Variants in CACNB2 observed in about 807,000 individuals in gnomAD.
The protein encoded by CACNB2 is calcium voltage-gated channel auxiliary subunit beta 2.
Under a neutral mutation model 73.3 loss-of-function variants are expected in CACNB2, and 42 were observed. The ratio of observed to expected loss-of-function variants is 0.57; its 90% CI spans 0.45 to 0.74. The LOEUF (loss-of-function observed/expected upper bound fraction) is 0.74, where lower values mean the gene tolerates loss of function less well. Among genes scored for constraint, CACNB2 ranks in the 30% least tolerant of loss-of-function variants. The probability of loss-of-function intolerance (pLI) is 0.00; values close to 1 mark genes in which losing one functional copy is unlikely to be tolerated. For synonymous variants in CACNB2, 348 were observed against 310.3 expected, an observed-to-expected ratio of 1.12 and a Z score of -1.28; for missense variants, 940 against 853.0, an observed-to-expected ratio of 1.10 and a Z score of -1.27.
chr10:18,236,074 G>A (rs146359643), intron 2 of CACNB2, among the ~76,000 whole-genome samples: 1 of 152,140 alleles, frequency 6.6e-6, no homozygotes, highest in South Asian at 2.1e-4. Flanking sequence ...TTCCTGTACA[G>A]CCTGTGGAAC....
At chr10:18,272,230 A>T (rs2038084668) in intron 2 of CACNB2, among the ~76,000 whole-genome samples, 1 of 152,112 alleles carries the variant, frequency 6.6e-6, no homozygotes, top group Non-Finnish European at 1.5e-5. Context: ...GAGGAGTGGG[A>T]CATAGTTCTA....
chr10:18,177,160 T>C (rs1410066324), intron 2 of CACNB2, among the ~76,000 whole-genome samples: 2 of 152,098 alleles, frequency 1.3e-5, no homozygotes, highest in African/African-American at 4.8e-5. Flanking sequence ...CATCAAATCA[T>C]GTGCATATAC....
At position 18,340,958 on chromosome 10, in the gene CACNB2, C is replaced by T. The variant is rs587777742; in HGVS notation, c.214-60966C>T. 6.2e-7 allele frequency: 1 copy of T among 1,614,126 alleles called. No homozygotes were observed. The highest frequency in any genetic ancestry group is 8.5e-7 in the Non-Finnish European group (1 of 1,180,028). ...GACAGACGCCTTATAGCTCCTCAAA[C>T]TAAATACATTATTCCTGGGGTAAGC... On this transcript the variant is annotated intron_variant, in intron 2 of 13. Coordinates refer to ENST00000324631, the MANE Select transcript of CACNB2 (RefSeq NM_201596.3).
intron 3 of CACNB2, among the ~76,000 whole-genome samples, chr10:18,493,334 A>C (rs2049575222): frequency 6.6e-6 from 1 of 152,000 alleles, no homozygotes; most frequent in Admixed American, 6.6e-5. Flanking sequence ...CGCCTGGCTA[A>C]TTTTTGTATT....
chr10:18,527,178 C>G (rs575177046), intron 9 of CACNB2, among the ~76,000 whole-genome samples: 3 of 152,056 alleles, frequency 2.0e-5, no homozygotes, highest in South Asian at 4.2e-4. Flanking sequence ...GCCAGGAATT[C>G]AAGACCAGCT....
At chr10:18,250,157 C>CT (rs1466175086) in intron 2 of CACNB2, among the ~76,000 whole-genome samples, 1 of 152,184 alleles carries the variant, frequency 6.6e-6, no homozygotes, top group East Asian at 1.9e-4. Context: ...TTGCAATAGT[C>CT]TAAAAACTCA....
At position 18,341,121 on chromosome 10, in the gene CACNB2, A is replaced by G. The variant is rs1278617575; in HGVS notation, c.214-60803A>G. ...TTCTTATCTTGCCAGAAATGTTGCC[A>G]TTCACAGTGTTATTACTTTAATGCT... On this transcript the variant is annotated intron_variant, in intron 2 of 13. Coordinates refer to ENST00000324631, the MANE Select transcript of CACNB2 (RefSeq NM_201596.3). 3 of 853,526 alleles carry G rather than the reference A, an allele frequency of 3.5e-6. No homozygotes were observed. The African/African-American group carries it at 5.0e-5, about 14-fold the overall frequency. 52.9% of individuals were successfully genotyped at this position (853,526 alleles called of 1,614,324 possible).
chr10:18,456,148 T>G lies in CACNB2; in HGVS notation c.334-42207T>G, dbSNP rs151233296. 7.2e-4 allele frequency among the ~76,000 whole-genome samples: 109 copies of G among 152,336 alleles called. 13 individuals carry two copies. The highest frequency in any genetic ancestry group is 6.4e-3 in the South Asian group (31 of 4,826). On this transcript the variant is annotated intron_variant, in intron 3 of 13. Coordinates refer to ENST00000324631, the MANE Select transcript of CACNB2 (RefSeq NM_201596.3). ...TTGACAGATGAATGTACATGACCAC[T>G]TTCATAATGCCTCTCCCTTAAGAAA...
intron 2 of CACNB2, among the ~76,000 whole-genome samples, chr10:18,249,444 ACT>A (rs1055711313): frequency 9.2e-5 from 14 of 151,912 alleles, no homozygotes; most frequent in African/African-American, 3.1e-4. Flanking sequence ...TCATTTTTCT[ACT>A]CTCTGCTTAA....
rs140612237 is a variant in CACNB2 at position 18,407,627 on chromosome 10, C to G, written c.333+5584C>G. Among the ~76,000 whole-genome samples, 534 of 152,058 alleles carry G rather than the reference C, an allele frequency of 3.5e-3. 5 individuals are homozygous for G. Among genetic ancestry groups the G allele is most frequent in the African/African-American group, 0.012 (507 of 41,474 alleles). Reference sequence around the variant, plus strand: ...GCCCCTTTTTTTGGAATAATTTCTTCCCCTATATTGTCCTCTTTTTACTGG... The same window carrying G: ...GCCCCTTTTTTTGGAATAATTTCTTGCCCTATATTGTCCTCTTTTTACTGG... On this transcript the variant is annotated intron_variant, in intron 3 of 13. Transcript: ENST00000324631.
chr10:18,264,973 G>A (rs549775134), intron 2 of CACNB2, among the ~76,000 whole-genome samples: 4 of 151,960 alleles, frequency 2.6e-5, no homozygotes, highest in South Asian at 2.1e-4. Context: ...CTGAAACATC[G>A]GGTCAATGTT....
intron 3 of CACNB2, among the ~76,000 whole-genome samples, chr10:18,455,038 T>TCA (rs2047207913): frequency 1.3e-5 from 1 of 75,588 alleles, no homozygotes; most frequent in Non-Finnish European, 3.6e-5. Flanking sequence ...ACCCAATCTC[T>TCA]TAAAAAAAAA....
chr10:18,414,293 T>C (rs192663959), intron 3 of CACNB2, among the ~76,000 whole-genome samples: 1 of 152,348 alleles, frequency 6.6e-6, no homozygotes, highest in African/African-American at 2.4e-5. Context: ...AACTCTCTCT[T>C]GCTCCTCTCA....
At chr10:18,277,935 C>A (rs1460014978) in intron 2 of CACNB2, among the ~76,000 whole-genome samples, 1 of 152,182 alleles carries the variant, frequency 6.6e-6, no homozygotes, top group South Asian at 2.1e-4. Flanking sequence ...TTTCCTATAA[C>A]CAGCTATAAC....
intron 3 of CACNB2, among the ~76,000 whole-genome samples, chr10:18,442,737 A>G (rs2046475499): frequency 1.3e-5 from 2 of 150,838 alleles, no homozygotes; most frequent in South Asian, 4.2e-4. Context: ...AGGCAGGAGA[A>G]TTCCTGGAAC....
At chr10:18,310,381 G>A (rs542583509) in intron 2 of CACNB2, among the ~76,000 whole-genome samples, 7 of 151,724 alleles carry the variant, frequency 4.6e-5, no homozygotes, top group African/African-American at 1.2e-4. Flanking sequence ...TGAGGTGGGC[G>A]GGTCACCTGA....
intron 2 of CACNB2, among the ~76,000 whole-genome samples, chr10:18,303,420 G>A (rs557765013): frequency 3.3e-5 from 5 of 152,146 alleles, no homozygotes; most frequent in Non-Finnish European, 4.4e-5. Flanking sequence ...TAGAAGGCTC[G>A]CTTGAGCCCA....
intron 1 of CACNB2, 74 bp from the exon 2 acceptor site, chr10:18,150,809 C>T: frequency 3.2e-6 from 3 of 943,864 alleles, no homozygotes; most frequent in Non-Finnish European, 4.7e-6. Context: ...TTTTCTGCAA[C>T]TAGGCCTACA....
chr10:18,538,498 C>T (rs1197603738), intron 13 of CACNB2, 133 bp downstream of exon 13: 1 of 736,780 alleles, frequency 1.4e-6, no homozygotes, highest in Non-Finnish European at 2.3e-6. Context: ...AAAGCAAGTC[C>T]AGCATGAGCT....
Sources: gnomAD v4.1 joint callset for allele counts (sites outside exome capture counted in the v4.1 genomes callset) on GRCh38, gnomAD v4.1.1 for gene constraint, MANE v1.5 for transcripts, NCBI Gene and HGNC (gene_info 2026-07-23, HGNC 2026-07-21) for gene names.